Variants in TRPM3 observed in about 807,000 individuals in gnomAD.
The protein encoded by TRPM3 is transient receptor potential cation channel subfamily M member 3.
Under a neutral mutation model 181.2 loss-of-function variants are expected in TRPM3, and 77 were observed. The ratio of observed to expected loss-of-function variants is 0.42; its 90% CI spans 0.35 to 0.51. TRPM3 has a LOEUF of 0.51. Among genes scored for constraint, TRPM3 ranks in the 20% least tolerant of loss-of-function variants. The pLI is 0.01. For synonymous variants in TRPM3, 745 were observed against 796.4 expected, an observed-to-expected ratio of 0.94 and a Z score of 1.09; for missense variants, 1,759 against 2,196.7, an observed-to-expected ratio of 0.80 and a Z score of 3.98.
chr9:70,842,822 T>C, intron 5 of TRPM3, 181 bp downstream of exon 5: 1 of 589,816 alleles, frequency 1.7e-6, no homozygotes, highest in Non-Finnish European at 2.8e-6. Context: ...GACCTGGAGT[T>C]TGCCTAGAGA....
intron 1 of TRPM3, among the ~76,000 whole-genome samples, chr9:71,272,128 G>C (rs1440270532): frequency 2.0e-5 from 3 of 152,140 alleles, no homozygotes; most frequent in Non-Finnish European, 4.4e-5. Context: ...AAATTGAATT[G>C]AGAGAGCATC....
At chr9:71,324,957 G>A (rs544453427) in intron 1 of TRPM3, among the ~76,000 whole-genome samples, 5 of 152,068 alleles carry the variant, frequency 3.3e-5, no homozygotes, top group Admixed American at 6.6e-5. Context: ...GTGGGGGAGA[G>A]GAGGGAAGAT....
At chr9:70,646,413 T>G (rs1308361618) in intron 9 of TRPM3, among the ~76,000 whole-genome samples, 1 of 152,198 alleles carries the variant, frequency 6.6e-6, no homozygotes, top group African/African-American at 2.4e-5. Flanking sequence ...GTTCATGACC[T>G]TTGCAGGGAC....
intron 1 of TRPM3, among the ~76,000 whole-genome samples, chr9:71,441,471 A>C (rs954613597): frequency 1.3e-5 from 2 of 152,328 alleles, no homozygotes; most frequent in Non-Finnish European, 2.9e-5. Flanking sequence ...ATGACATTGC[A>C]GTAGCATATT....
At chr9:71,327,936 C>T (rs775337738) in intron 1 of TRPM3, among the ~76,000 whole-genome samples, 14 of 152,090 alleles carry the variant, frequency 9.2e-5, no homozygotes, top group Non-Finnish European at 2.1e-4. Context: ...GTCCTCCAAG[C>T]GGTCAGTTTG....
At chr9:71,277,377 T>G (rs535347402) in intron 1 of TRPM3, among the ~76,000 whole-genome samples, 3 of 152,350 alleles carry the variant, frequency 2.0e-5, no homozygotes, top group African/African-American at 7.2e-5. Flanking sequence ...TTTATTTTGT[T>G]TACTGTGTTT....
chr9:71,381,900 A>G lies in TRPM3; in HGVS notation c.183+64753T>C, dbSNP rs182134595. 1.4e-3 allele frequency among the ~76,000 whole-genome samples: 215 copies of G among 152,226 alleles called. 3 individuals are homozygous for G. The highest frequency in any genetic ancestry group is 3.2e-4 in the Non-Finnish European group (22 of 68,020). The stretch of plus-strand genomic sequence containing the variant: ...GCCTGGGTTCAGCAAATGTTAATGG[A>G]TTAATTCTACGGTTTTTGAGCACCT... On this transcript the variant is annotated intron_variant, in intron 1 of 24. Coordinates refer to the TRPM3 transcript ENST00000357533.
At chr9:71,190,480 T>C (rs1196286300) in intron 1 of TRPM3, among the ~76,000 whole-genome samples, 1 of 151,882 alleles carries the variant, frequency 6.6e-6, no homozygotes, top group Non-Finnish European at 1.5e-5. Flanking sequence ...TTTTCCCACA[T>C]CCGATAATCT....
chr9:70,992,339 T>C (rs766506633), intron 1 of TRPM3, among the ~76,000 whole-genome samples: 1 of 152,234 alleles, frequency 6.6e-6, no homozygotes, highest in Non-Finnish European at 1.5e-5. Flanking sequence ...ATAGCTTCTT[T>C]GTGAAGCAGG....
At chr9:70,654,848 AT>A (rs979965600) in intron 9 of TRPM3, among the ~76,000 whole-genome samples, 6 of 150,716 alleles carry the variant, frequency 4.0e-5, no homozygotes, top group Admixed American at 6.6e-5. Flanking sequence ...CGCCTGGCTA[AT>A]TTTTTTTGTA....
At chr9:71,369,704 G>A (rs1318286638) in intron 1 of TRPM3, among the ~76,000 whole-genome samples, 1 of 152,134 alleles carries the variant, frequency 6.6e-6, no homozygotes, top group African/African-American at 2.4e-5. Context: ...TTTTTCAATC[G>A]GGGTTATGGT....
chr9:71,240,681 A>G (rs76227700), intron 1 of TRPM3, among the ~76,000 whole-genome samples: 2,885 of 151,128 alleles, frequency 0.019, 100 homozygotes, highest in African/African-American at 0.068. Context: ...AAAAAAAGTT[A>G]TTTTAAGACT....
chr9:71,089,219 C>T (rs1194363173), intron 1 of TRPM3, among the ~76,000 whole-genome samples: 1 of 147,402 alleles, frequency 6.8e-6, no homozygotes, highest in Non-Finnish European at 1.5e-5. Context: ...TCATATATAA[C>T]ATTATATTTG....
At chr9:71,332,495 A>C (rs1402489079) in intron 1 of TRPM3, among the ~76,000 whole-genome samples, 2 of 151,370 alleles carry the variant, frequency 1.3e-5, no homozygotes, top group Non-Finnish European at 2.9e-5. Context: ...AATTTAAATA[A>C]ACTCAGTTTT....
At chr9:71,183,167 A>G (rs1019143717) in intron 1 of TRPM3, among the ~76,000 whole-genome samples, 2 of 150,966 alleles carry the variant, frequency 1.3e-5, no homozygotes, top group African/African-American at 5.0e-5. Flanking sequence ...GTAAGACTTA[A>G]TATCAAAAAA....
intron 22 of TRPM3, 21 bp downstream of exon 22, chr9:70,591,010 G>A: frequency 5.0e-6 from 8 of 1,614,076 alleles, no homozygotes; most frequent in Non-Finnish European, 6.8e-6. Context: ...TTTGGTGTAT[G>A]AGAATCATAA....
chr9:70,649,098 C>T lies in TRPM3; in HGVS notation c.1346-8438G>A, dbSNP rs570249313. 2.0e-5 allele frequency among the ~76,000 whole-genome samples: 3 copies of T among 151,868 alleles called. No homozygotes were observed. In the South Asian group the frequency reaches 6.3e-4, roughly 32 times the overall value. On this transcript the variant is annotated intron_variant, in intron 9 of 25. Coordinates refer to ENST00000677713, the MANE Select transcript of TRPM3 (RefSeq NM_001366145.2). ...AAATATTTGCAAATTATACATCCAA[C>T]AAAGGTCTAATATCCAGAATATATA...
At chr9:71,167,870 T>C (rs749914661) in intron 1 of TRPM3, among the ~76,000 whole-genome samples, 1 of 152,156 alleles carries the variant, frequency 6.6e-6, no homozygotes, top group South Asian at 2.1e-4. Context: ...AAAGGGTAAG[T>C]GGAGGGCAGG....
rs913702757 is a variant in TRPM3, at chr9:70,593,887, C to CAT, written c.3049-2684_3049-2683dup. ...TATATATAATGTAATATATAATACACATATATATAATATGCATTGTATAAT... is the reference window on the plus strand; with the variant it reads ...TATATATAATGTAATATATAATACACATATATATATAATATGCATTGTATAAT... On this transcript the variant is annotated intron_variant, in intron 21 of 25. Coordinates refer to ENST00000677713, the MANE Select transcript of TRPM3 (RefSeq NM_001366145.2). 7.5e-5 allele frequency among the ~76,000 whole-genome samples: 11 copies of CAT among 146,108 alleles called. No individual in the cohort carries two copies. The South Asian group carries it at 1.1e-3, about 14-fold the overall frequency.
Sources: allele counts gnomAD v4.1 joint callset (sites outside exome capture counted in the v4.1 genomes callset), GRCh38; gene constraint gnomAD v4.1.1; transcripts MANE v1.5; gene names NCBI Gene and HGNC (gene_info 2026-07-23, HGNC 2026-07-21).